Variants in DNAH8 observed in about 807,000 individuals in gnomAD.
DNAH8 encodes the protein dynein axonemal heavy chain 8, also known as axonemal beta dynein heavy chain 8.
A neutral mutation model predicts 562.1 loss-of-function variants in DNAH8; 382 were observed. The observed-to-expected ratio is 0.68, with a 90% CI of 0.63 to 0.74. DNAH8 has a LOEUF of 0.74. DNAH8 is among the 30% of genes least tolerant of loss of function. The pLI is 0.00. For synonymous variants in DNAH8, 1,881 were observed against 1,919.4 expected, an observed-to-expected ratio of 0.98 and a Z score of 0.52; for missense variants, 5,203 against 5,620.4, an observed-to-expected ratio of 0.93 and a Z score of 2.37.
intron 24 of DNAH8, among the ~76,000 whole-genome samples, chr6:38,811,792 T>C (rs1035969576): frequency 1.3e-5 from 2 of 152,196 alleles, no homozygotes; most frequent in African/African-American, 2.4e-5. Flanking sequence ...TTTGTGTTTC[T>C]TTTTCCTTCT....
In DNAH8 at chr6:38,842,367, G is replaced by A. The variant is rs1774876064; in HGVS notation, c.4467-1G>A. 1.3e-6 allele frequency: 2 copies of A among 1,596,218 alleles called. No individual in the cohort carries two copies. The highest frequency in any genetic ancestry group is 2.7e-5 in the African/African-American group (2 of 73,990). Reference sequence around the variant, plus strand: ...GATAACTTAGTTACTTTGTTTCCCAGAAAAGAACTCAACTTGCTGCAGAAG... The same window carrying A: ...GATAACTTAGTTACTTTGTTTCCCAAAAAAGAACTCAACTTGCTGCAGAAG... On this transcript the variant is annotated splice_acceptor_variant, in intron 33 of 92. Transcript: ENST00000327475. LOFTEE classifies it high-confidence loss of function.
intron 8 of DNAH8, among the ~76,000 whole-genome samples, chr6:38,744,878 G>A (rs1276877943): frequency 2.0e-5 from 3 of 152,126 alleles, no homozygotes; most frequent in African/African-American, 7.2e-5. Flanking sequence ...GATTACAGAC[G>A]TGAGCCACTG....
chr6:38,887,424 C>T (rs1394932225), intron 57 of DNAH8, among the ~76,000 whole-genome samples: 3 of 152,200 alleles, frequency 2.0e-5, no homozygotes, highest in Non-Finnish European at 2.9e-5. Flanking sequence ...GCCATCAAAA[C>T]TTATGTGTAG....
Position 39,030,416 on chromosome 6 carries a change from A to G in DNAH8, c.*24A>G, listed in dbSNP as rs1274433982. ...AAGTTCATTTCCATCTGCTCAGGGC[A>G]CCAGAACCCACATAGACAGCCTGTG... On this transcript the variant is annotated 3_prime_UTR_variant, in exon 93 of 93. Coordinates refer to ENST00000327475, the MANE Select transcript of DNAH8 (RefSeq NM_001206927.2). The G allele has an allele frequency of 6.2e-6, 10 of 1,601,108 alleles. No homozygotes were observed. Among genetic ancestry groups the G allele is most frequent in the South Asian group, 1.1e-5 (1 of 89,110 alleles).
chr6:38,853,152 A>G (rs1276756324), intron 40 of DNAH8, 34 bp from the exon 41 acceptor site: 8 of 1,555,608 alleles, frequency 5.1e-6, no homozygotes, highest in Non-Finnish European at 4.4e-6. Context: ...CCAAATTATT[A>G]TCAATTTATA....
intron 72 of DNAH8, 48 bp downstream of exon 72, chr6:38,923,233 G>A (rs770447307): frequency 6.2e-7 from 1 of 1,603,856 alleles, no homozygotes; most frequent in African/African-American, 1.3e-5. Context: ...TGTGACATTA[G>A]AGAACATAAA....
At chr6:38,997,732 G>A (rs1765232860) in intron 88 of DNAH8, among the ~76,000 whole-genome samples, 1 of 152,120 alleles carries the variant, frequency 6.6e-6, no homozygotes, top group African/African-American at 2.4e-5. Flanking sequence ...GTGTTCAACA[G>A]CATTCTTGCT....
intron 12 of DNAH8, among the ~76,000 whole-genome samples, chr6:38,775,341 G>A (rs1469070943): frequency 6.6e-6 from 1 of 152,260 alleles, no homozygotes; most frequent in East Asian, 1.9e-4. Flanking sequence ...GAACACAGGC[G>A]GATATGTGCT....
chr6:38,775,722 TA>T (rs765517942), intron 12 of DNAH8, 31 bp from the exon 13 acceptor site: 22 of 1,466,792 alleles, frequency 1.5e-5, no homozygotes, highest in Non-Finnish European at 2.1e-5. Context: ...CTATCTCATT[TA>T]AAAAAGCAAA....
At chr6:38,725,933 T>C (rs1322395916) in intron 3 of DNAH8, among the ~76,000 whole-genome samples, 2 of 152,210 alleles carry the variant, frequency 1.3e-5, no homozygotes, top group Non-Finnish European at 2.9e-5. Flanking sequence ...TGGTTTCCTT[T>C]CCCCAGTGAC....
intron 75 of DNAH8, among the ~76,000 whole-genome samples, chr6:38,929,925 A>G (rs1047735159): frequency 1.3e-5 from 2 of 152,118 alleles, no homozygotes; most frequent in African/African-American, 4.8e-5. Context: ...ATATTTTGAT[A>G]AGAGTAGTCG....
At chr6:38,984,072 G>A in intron 86 of DNAH8, 134 bp from the exon 87 acceptor site, 1 of 576,192 alleles carries the variant, frequency 1.7e-6, no homozygotes, top group East Asian at 2.9e-5. Flanking sequence ...ATTAATATAA[G>A]ACGATGAATA....
At chr6:38,814,208 A>G (rs774228866) in intron 25 of DNAH8, 79 bp downstream of exon 25, 7 of 825,636 alleles carry the variant, frequency 8.5e-6, no homozygotes, top group East Asian at 2.7e-5. Flanking sequence ...TCATTTAGGT[A>G]ACATTTTGGT....
chr6:38,872,883 T>G (rs1777578657), intron 50 of DNAH8, 23 bp from the exon 51 acceptor site: 1 of 1,609,314 alleles, frequency 6.2e-7, no homozygotes, highest in East Asian at 2.2e-5. Flanking sequence ...TGAAAAGTGA[T>G]TTTCTGTTTT....
At chr6:38,930,477 G>T (rs4711566) in intron 75 of DNAH8, among the ~76,000 whole-genome samples, 6 of 151,956 alleles carry the variant, frequency 3.9e-5, no homozygotes, top group Non-Finnish European at 7.4e-5. Context: ...TTTATATGCC[G>T]CATTTTAAAA....
At chr6:38,983,317 G>C (rs1397622334) in intron 86 of DNAH8, among the ~76,000 whole-genome samples, 1 of 152,140 alleles carries the variant, frequency 6.6e-6, no homozygotes, top group African/African-American at 2.4e-5. Flanking sequence ...GGGCTTCAAG[G>C]TAATTAGAGA....
chr6:38,876,850 A>G (rs1328879176), intron 53 of DNAH8, among the ~76,000 whole-genome samples: 2 of 152,198 alleles, frequency 1.3e-5, no homozygotes. Context: ...GAGTGGGAGA[A>G]TCATACCAAA....
intron 64 of DNAH8, 79 bp downstream of exon 64, chr6:38,908,199 A>G: frequency 1.3e-6 from 1 of 756,452 alleles, no homozygotes; most frequent in Non-Finnish European, 1.9e-6. Flanking sequence ...CTCTGATTAG[A>G]AAATGATCTT....
At chr6:38,840,260 A>G (rs1279594222) in intron 33 of DNAH8, among the ~76,000 whole-genome samples, 2 of 152,230 alleles carry the variant, frequency 1.3e-5, no homozygotes, top group Non-Finnish European at 2.9e-5. Context: ...CATTTTTTTA[A>G]GAGAAGACTG....
Sources: gnomAD v4.1 joint callset for allele counts (sites outside exome capture counted in the v4.1 genomes callset) on GRCh38, gnomAD v4.1.1 for gene constraint, MANE v1.5 for transcripts, NCBI Gene and HGNC (gene_info 2026-07-23, HGNC 2026-07-21) for gene names.